CDKL5: variants seen among roughly 807,000 people sequenced by gnomAD.
CDKL5 encodes cyclin dependent kinase like 5, also known as cyclin-dependent kinase-like 5.
CDKL5 carries 8 observed loss-of-function variants against 61.7 expected under a neutral mutation model. The observed-to-expected ratio is 0.13, with a 90% CI of 0.08 to 0.23. The LOEUF (loss-of-function observed/expected upper bound fraction) is 0.23, where lower values mean the gene tolerates loss of function less well. CDKL5 is among the 10% of genes least tolerant of loss of function. The pLI is 1.00. For missense variants in CDKL5, 440 were observed against 734.5 expected (o/e 0.60, Z 4.63); for synonymous variants, 275 against 272.3 (o/e 1.01, Z -0.10).
Position 18,635,020 on chromosome X carries a change from A to G in CDKL5, c.*6263A>G. The stretch of plus-strand genomic sequence containing the variant: ...CTTAATTGCACAGACTTTATAATCC[A>G]TTATATAAAGTGTAATTCCATACTT... On this transcript the variant is annotated 3_prime_UTR_variant, in exon 18 of 18. Transcript: ENST00000623535. 1 of 748,134 alleles carries G rather than the reference A, an allele frequency of 1.3e-6. No individual in the cohort carries two copies. The highest frequency in any genetic ancestry group is 1.6e-6 in the Non-Finnish European group (1 of 635,696). The allele number at this position is 748,134 out of a possible 1,213,427, so 61.7% of individuals were successfully genotyped here. A position where few individuals can be genotyped will look rare whatever the true frequency, so the allele number is the denominator to read the frequency against.
At chrX:18,533,105 T>G (rs1396122092) in intron 3 of CDKL5, among the ~76,000 whole-genome samples, 2 of 112,052 alleles carry the variant, frequency 1.8e-5, no homozygotes, top group Non-Finnish European at 3.8e-5. Flanking sequence ...AAATGTAATT[T>G]TAATATACTA....
At chrX:18,585,041 T>A (rs1925598131) in intron 8 of CDKL5, among the ~76,000 whole-genome samples, 1 of 112,259 alleles carries the variant, frequency 8.9e-6, no homozygotes, top group South Asian at 3.7e-4. Flanking sequence ...ATTTATTAAT[T>A]CTTCAAGTAC....
chrX:18,569,169 ATTAG>A (rs922178996), intron 4 of CDKL5, among the ~76,000 whole-genome samples: 1 of 111,814 alleles, frequency 8.9e-6, no homozygotes, highest in Non-Finnish European at 1.9e-5. Context: ...AGCTTACTTC[ATTAG>A]TTAATTTTTT....
At chrX:18,427,990 G>C (rs1166480017) in intron 1 of CDKL5, among the ~76,000 whole-genome samples, 2 of 111,799 alleles carry the variant, frequency 1.8e-5, no homozygotes, top group African/African-American at 6.5e-5. Flanking sequence ...TTGCAGGGCC[G>C]TCTCGCATAG....
chrX:18,588,261 G>A (rs994349946), intron 9 of CDKL5, 118 bp downstream of exon 9: 2 of 571,091 alleles, frequency 3.5e-6, no homozygotes, highest in African/African-American at 2.3e-5. Flanking sequence ...CCATTACAGT[G>A]TTTATAATCC....
Position 18,509,199 on chromosome X carries a change from A to ACACACG in CDKL5, c.65-1616_65-1615insGCACAC, listed in dbSNP as rs1555940207. ...AGAGCGAGACTGTCTCAAAACACGC[A>ACACACG]CACACACACACACACACACACACAC... is the stretch of plus-strand genomic sequence containing the variant. On this transcript the variant is annotated intron_variant, in intron 2 of 17. Coordinates refer to ENST00000623535, the MANE Select transcript of CDKL5 (RefSeq NM_001323289.2). 2.5e-3 allele frequency among the ~76,000 whole-genome samples: 113 copies of ACACACG among 44,923 alleles called. 1 individual carries two copies. The highest frequency in any genetic ancestry group is 9.7e-3 in the African/African-American group (108 of 11,147). The allele number at this position is 44,923 out of a possible 115,157, so 39.0% of individuals were successfully genotyped here. A position where few individuals can be genotyped will look rare whatever the true frequency, so the allele number is the denominator to read the frequency against.
Position 18,631,158 on chromosome X carries a change from C to T in CDKL5, c.*2401C>T, listed in dbSNP as rs912200632. 42 of 750,769 alleles carry T rather than the reference C, an allele frequency of 5.6e-5. No homozygotes were observed. The African/African-American group carries it at 8.4e-4, about 15-fold the overall frequency. The allele number at this position is 750,769 out of a possible 1,213,427, so 61.9% of individuals were successfully genotyped here. ...GTTTGCAGAACATTTCTATTCATGACGGTTCTTCAAAGAAGGGCTAGAATA... is the reference window on the plus strand; with the variant it reads ...GTTTGCAGAACATTTCTATTCATGATGGTTCTTCAAAGAAGGGCTAGAATA... On this transcript the variant is annotated 3_prime_UTR_variant, in exon 18 of 18. Transcript: ENST00000623535.
chrX:18,440,053 T>A (rs1049794042), intron 1 of CDKL5, among the ~76,000 whole-genome samples: 2 of 110,877 alleles, frequency 1.8e-5, no homozygotes, highest in Non-Finnish European at 3.8e-5. Context: ...GGATGGTGGT[T>A]GCTGAAGGTT....
At chrX:18,622,418 T>C (rs1926914732) in intron 16 of CDKL5, among the ~76,000 whole-genome samples, 1 of 112,117 alleles carries the variant, frequency 8.9e-6, no homozygotes, top group African/African-American at 3.2e-5. Context: ...CAAAGAGCGC[T>C]CAGTACAGCC....
At chrX:18,463,489 G>A (rs1179535789) in intron 1 of CDKL5, among the ~76,000 whole-genome samples, 2 of 111,909 alleles carry the variant, frequency 1.8e-5, no homozygotes, top group African/African-American at 6.5e-5. Context: ...ATACAATTCC[G>A]TAACAAATTT....
chrX:18,541,162 G>T (rs776895733), intron 3 of CDKL5, among the ~76,000 whole-genome samples: 12 of 111,979 alleles, frequency 1.1e-4, no homozygotes, highest in Admixed American at 1.9e-4. Context: ...ATTACTTTGG[G>T]TTTATCTTGT....
intron 17 of CDKL5, chrX:18,626,707 T>C (rs1602299534): frequency 2.2e-5 from 1 of 45,170 alleles, no homozygotes; most frequent in African/African-American, 9.7e-5. Context: ...TCTCTCTCTC[T>C]CTCTCTCTCT....
intron 14 of CDKL5, among the ~76,000 whole-genome samples, 174 bp downstream of exon 14, chrX:18,609,744 T>C (rs1298576653): frequency 8.9e-6 from 1 of 111,946 alleles, no homozygotes; most frequent in Non-Finnish European, 1.9e-5. Flanking sequence ...TGAATTGGCC[T>C]CCTTAGGTAG....
chrX:18,615,082 A>G (rs1329909627), intron 15 of CDKL5, among the ~76,000 whole-genome samples: 2 of 112,307 alleles, frequency 1.8e-5, no homozygotes, highest in Non-Finnish European at 3.8e-5. Context: ...GAGAGGCTCA[A>G]TTGGGATGTT....
At position 18,635,550 on chromosome X, in the gene CDKL5, G is replaced by A. The variant is rs1371551217; in HGVS notation, c.*6793G>A. ...TTGAGGTTGTAATCAGTTTGAGACA[G>A]AAATTAATGTAAAACTAGGCAAATC... On this transcript the variant is annotated 3_prime_UTR_variant, in exon 18 of 18. Coordinates refer to ENST00000623535, the MANE Select transcript of CDKL5 (RefSeq NM_001323289.2). The A allele has an allele frequency of 1.3e-6, 1 of 750,084 alleles. No individual in the cohort carries two copies. Among genetic ancestry groups the A allele is most frequent in the African/African-American group, 2.3e-5 (1 of 43,301 alleles). 61.8% of individuals were successfully genotyped at this position (750,084 alleles called of 1,213,427 possible).
intron 1 of CDKL5, among the ~76,000 whole-genome samples, chrX:18,470,976 A>G (rs765074780): frequency 1.8e-5 from 2 of 111,436 alleles, no homozygotes; most frequent in Admixed American, 9.6e-5. Flanking sequence ...ACACCTCTGC[A>G]TTTGTCGTCA....
intron 1 of CDKL5, among the ~76,000 whole-genome samples, chrX:18,474,177 G>A (rs1402616565): frequency 9.0e-6 from 1 of 110,910 alleles, no homozygotes; most frequent in East Asian, 2.8e-4. Context: ...TGGGAACTTT[G>A]GTCTAATGAA....
At chrX:18,435,628 G>A (rs941121245) in intron 1 of CDKL5, among the ~76,000 whole-genome samples, 2 of 111,304 alleles carry the variant, frequency 1.8e-5, no homozygotes, top group Non-Finnish European at 3.8e-5. Context: ...GTGCAGTGGT[G>A]CGATCTTGGC....
chrX:18,470,009 C>A (rs1022536761), intron 1 of CDKL5, among the ~76,000 whole-genome samples: 5 of 111,723 alleles, frequency 4.5e-5, no homozygotes, highest in Non-Finnish European at 9.4e-5. Context: ...TTTAAAGAAT[C>A]ACTTGACAGA....
Sources: gnomAD v4.1 joint callset for allele counts (sites outside exome capture counted in the v4.1 genomes callset) on GRCh38, gnomAD v4.1.1 for gene constraint, MANE v1.5 for transcripts, NCBI Gene and HGNC (gene_info 2026-07-23, HGNC 2026-07-21) for gene names.